The following IQCH variants were observed in gnomAD, a reference collection of about 807,000 sequenced individuals.
IQCH encodes the protein IQ domain-containing protein H.
IQCH carries 98 observed loss-of-function variants against 117.0 expected under a neutral mutation model. The observed-to-expected ratio is 0.84, with a 90% confidence interval of 0.71 to 0.99. The LOEUF (loss-of-function observed/expected upper bound fraction) is 0.99. IQCH is among the 50% of genes least tolerant of loss of function. The probability of loss-of-function intolerance (pLI) is 0.00; values close to 1 mark genes in which losing one functional copy is unlikely to be tolerated. For missense variants in IQCH, 1,102 were observed against 1,243.8 expected (o/e 0.89, Z 1.72); for synonymous variants, 412 against 448.2 (o/e 0.92, Z 1.02).
At chr15:67,298,791 G>A (rs901462354) in intron 4 of IQCH, among the ~76,000 whole-genome samples, 1 of 152,020 alleles carries the variant, frequency 6.6e-6, no homozygotes, top group African/African-American at 2.4e-5. Flanking sequence ...ACATGAACCC[G>A]GGAGGCAGAG....
chr15:67,373,356 T>G lies in IQCH; in HGVS notation c.1306-11T>G. On this transcript the variant is annotated splice_polypyrimidine_tract_variant and intron_variant, in intron 9 of 20. Coordinates refer to ENST00000335894, the MANE Select transcript of IQCH (RefSeq NM_001031715.3). The stretch of plus-strand genomic sequence containing the variant: ...TTCCTGTCACTGATCAATGCTCTTC[T>G]TGATTTTTAGCATCTGGCAGCCAAC... The G allele has an allele frequency of 6.2e-7, 1 of 1,603,642 alleles. No homozygotes were observed. The highest frequency in any genetic ancestry group is 8.5e-7 in the Non-Finnish European group (1 of 1,170,830).
At chr15:67,371,850 G>T (rs1372156329) in intron 8 of IQCH, among the ~76,000 whole-genome samples, 1 of 152,126 alleles carries the variant, frequency 6.6e-6, no homozygotes, top group African/African-American at 2.4e-5. Flanking sequence ...TTTTATGACT[G>T]GTTTCCTTGA....
chr15:67,463,447 T>G lies in IQCH; in HGVS notation c.2506-1680T>G, dbSNP rs2082849102. On this transcript the variant is annotated intron_variant, in intron 16 of 20. Transcript: ENST00000335894. The surrounding 1 kb of genome is among the most constrained non-coding windows in gnomAD (Gnocchi z 4.0). ...GATTGGCTGGGCCAGAATCAGGGAA[T>G]GGGAAGAAGGTAGACTTGGAGCCAG... Among the ~76,000 whole-genome samples the G allele has an allele frequency of 6.6e-6, 1 of 152,210 alleles. No individual in the cohort carries two copies. Among genetic ancestry groups the G allele is most frequent in the African/African-American group, 2.4e-5 (1 of 41,442 alleles).
chr15:67,453,632 C>T lies in IQCH; in HGVS notation c.2506-11495C>T, dbSNP rs900665000. Among the ~76,000 whole-genome samples, 4 of 152,186 alleles carry T rather than the reference C, an allele frequency of 2.6e-5. No homozygotes were observed. Among genetic ancestry groups the T allele is most frequent in the African/African-American group, 7.2e-5 (3 of 41,448 alleles). The stretch of plus-strand genomic sequence containing the variant: ...CGGCCATGTAAGGTGTCAGTCCGCC[C>T]CTACTGGGGGGTGCCTCCCAGTTAG... On this transcript the variant is annotated intron_variant, in intron 16 of 20. Coordinates refer to ENST00000335894, the MANE Select transcript of IQCH (RefSeq NM_001031715.3). This position sits in a 1 kb window ranked among gnomAD's most constrained non-coding sequence, Gnocchi z 5.8.
Position 67,424,147 on chromosome 15 carries a change from C to T in IQCH, c.2505+2570C>T, listed in dbSNP as rs1392403691. 6.6e-6 allele frequency among the ~76,000 whole-genome samples: 1 copy of T among 152,120 alleles called. No homozygotes were observed. Among genetic ancestry groups the T allele is most frequent in the Non-Finnish European group, 1.5e-5 (1 of 68,036 alleles). ...GCCAGTCTTGTCTCACCCTAACTTGCCCTCTGTTTTGTTCTGGTCCATCCA... is the reference window on the plus strand; with the variant it reads ...GCCAGTCTTGTCTCACCCTAACTTGTCCTCTGTTTTGTTCTGGTCCATCCA... On this transcript the variant is annotated intron_variant, in intron 16 of 20. Transcript: ENST00000335894. This position sits in a 1 kb window ranked among gnomAD's most constrained non-coding sequence, Gnocchi z 4.9.
rs760149326 is a variant in IQCH, at chr15:67,401,516, G to A, written c.2097+1211G>A. Among the ~76,000 whole-genome samples, 67 of 151,430 alleles carry A rather than the reference G, an allele frequency of 4.4e-4. No individual in the cohort carries two copies. Among genetic ancestry groups the A allele is most frequent in the Non-Finnish European group, 8.0e-4 (54 of 67,888 alleles). On this transcript the variant is annotated intron_variant, in intron 14 of 20. Coordinates refer to ENST00000335894, the MANE Select transcript of IQCH (RefSeq NM_001031715.3). The surrounding 1 kb of genome is among the most constrained non-coding windows in gnomAD (Gnocchi z 4.7). ...GATTTGCGTCTGCTTTGAGCATCCC[G>A]CTACGGAAGTATATGAATCAAGACA...
chr15:67,490,161 C>A lies in IQCH; in HGVS notation c.2861+97C>A. The stretch of plus-strand genomic sequence containing the variant: ...CTTCTCATGCATTTTAATCAGCATG[C>A]TGATTTATTAGAAGTCTATCTTTAT... On this transcript the variant is annotated intron_variant, in intron 19 of 20. Transcript: ENST00000335894. The surrounding 1 kb of genome is among the most constrained non-coding windows in gnomAD (Gnocchi z 4.9). 1 of 824,560 alleles carries A rather than the reference C, an allele frequency of 1.2e-6. No individual in the cohort carries two copies. The highest frequency in any genetic ancestry group is 2.2e-5 in the Admixed American group (1 of 45,998). 51.1% of individuals were successfully genotyped at this position (824,560 alleles called of 1,614,324 possible).
intron 4 of IQCH, among the ~76,000 whole-genome samples, chr15:67,313,639 T>C (rs1034729701): frequency 5.3e-5 from 8 of 152,182 alleles, no homozygotes; most frequent in Non-Finnish European, 1.2e-4. Context: ...CTTAGAGCTT[T>C]GCCTAATCAA....
Position 67,458,269 on chromosome 15 carries a change from G to A in IQCH, c.2506-6858G>A, listed in dbSNP as rs1394919751. Reference sequence around the variant, plus strand: ...TTCTGCCCCAGTGGGAAATGGTAATGCTATTCTTCCATTTTCTTCAGGGTG... The same window carrying A: ...TTCTGCCCCAGTGGGAAATGGTAATACTATTCTTCCATTTTCTTCAGGGTG... On this transcript the variant is annotated intron_variant, in intron 16 of 20. Coordinates refer to ENST00000335894, the MANE Select transcript of IQCH (RefSeq NM_001031715.3). The surrounding 1 kb of genome is among the most constrained non-coding windows in gnomAD (Gnocchi z 4.1). Among the ~76,000 whole-genome samples the A allele has an allele frequency of 3.3e-5, 5 of 152,234 alleles. No individual in the cohort carries two copies. The highest frequency in any genetic ancestry group is 7.3e-5 in the Non-Finnish European group (5 of 68,044).
chr15:67,451,771 G>A (rs2082534171), intron 16 of IQCH, among the ~76,000 whole-genome samples: 2 of 152,114 alleles, frequency 1.3e-5, no homozygotes, highest in South Asian at 4.2e-4. Flanking sequence ...TCAATTCCTG[G>A]GTGTCCTTGT....
rs538240661 is a variant in IQCH at position 67,279,445 on chromosome 15, C to G, written c.320C>G (p.Ser107Cys). The change falls in exon 4 of 21, where the codon TCT (serine) becomes TGT (cysteine). Residue 107 changes from serine (S) to cysteine (C), a missense_variant. By Grantham distance (112) the Ser-to-Cys change is moderately radical. This residue lies in a region of IQCH where 452 missense variants were observed against 449.6 expected (regional missense o/e 1.01). Coordinates refer to ENST00000335894, the MANE Select transcript of IQCH (RefSeq NM_001031715.3). ...AAATCATTTATTTTCCCTCAGGAAT[C>G]TGAGGGTACATTTTGGCAACCCCAA... ...DQKSFIFPQE[S>C]EGTFWQPQRQ... 7.4e-6 allele frequency: 12 copies of G among 1,610,816 alleles called. No individual in the cohort carries two copies. The Admixed American group carries it at 1.8e-4, about 25-fold the overall frequency.
At position 67,381,979 on chromosome 15, in the gene IQCH, CA is replaced by C. The variant is rs35152038; in HGVS notation, c.1373-2944del. ...CCTGGGCAACAGAGTGATACCCTGT[CA>C]AAAAAAAAAAAAGAATTAAAAGATT... On this transcript the variant is annotated intron_variant, in intron 10 of 20. Transcript: ENST00000335894. This position sits in a 1 kb window ranked among gnomAD's most constrained non-coding sequence, Gnocchi z 5.1. Among the ~76,000 whole-genome samples, 42,920 of 142,300 alleles carry C rather than the reference CA, an allele frequency of 0.3. 6,214 individuals carry two copies. The highest frequency in any genetic ancestry group is 0.39 in the African/African-American group (14,830 of 38,310). The allele number at this position is 142,300 out of a possible 152,430, so 93.4% of individuals were successfully genotyped here.
At chr15:67,272,630 T>TA (rs1251859695) in intron 3 of IQCH, among the ~76,000 whole-genome samples, 4 of 152,232 alleles carry the variant, frequency 2.6e-5, no homozygotes, top group Non-Finnish European at 5.9e-5. Flanking sequence ...CATAGACACT[T>TA]ACACTTGTTC....
At chr15:67,320,794 C>T (rs1968080715) in intron 4 of IQCH, among the ~76,000 whole-genome samples, 1 of 152,162 alleles carries the variant, frequency 6.6e-6, no homozygotes, top group South Asian at 2.1e-4. Context: ...CCAAAGAATG[C>T]TGGTTCTTTG....
rs546974573 is a variant in IQCH, at chr15:67,370,544, C to T, written c.754-1567C>T. On this transcript the variant is annotated intron_variant, in intron 8 of 20. Transcript: ENST00000335894. This position sits in a 1 kb window ranked among gnomAD's most constrained non-coding sequence, Gnocchi z 5.6. ...ACTTGTCTTCTACCAGGAGTGGCAG[C>T]CTCTCCTGCCAGCACTGGTGGCTGC... is the stretch of plus-strand genomic sequence containing the variant. 6.6e-6 allele frequency among the ~76,000 whole-genome samples: 1 copy of T among 152,180 alleles called. No homozygotes were observed. The highest frequency in any genetic ancestry group is 1.5e-5 in the Non-Finnish European group (1 of 68,026).
chr15:67,300,333 C>G (rs1403527104), intron 4 of IQCH, among the ~76,000 whole-genome samples: 1 of 152,042 alleles, frequency 6.6e-6, no homozygotes, highest in African/African-American at 2.4e-5. Context: ...TTACAAGATA[C>G]TTACCATACA....
At chr15:67,326,615 C>T (rs1968423424) in intron 4 of IQCH, among the ~76,000 whole-genome samples, 2 of 152,130 alleles carry the variant, frequency 1.3e-5, no homozygotes, top group South Asian at 4.1e-4. Context: ...TCTCCACATC[C>T]TCTCCAGCCC....
intron 6 of IQCH, among the ~76,000 whole-genome samples, chr15:67,345,834 T>C (rs970891072): frequency 2.0e-5 from 3 of 152,206 alleles, no homozygotes; most frequent in African/African-American, 7.2e-5. Context: ...TTAATAATAA[T>C]GTATCAATGA....
chr15:67,374,926 T>C lies in IQCH; in HGVS notation c.1372+1493T>C, dbSNP rs140169685. 6.3e-4 allele frequency among the ~76,000 whole-genome samples: 96 copies of C among 152,328 alleles called. 1 individual carries two copies. The highest frequency in any genetic ancestry group is 4.3e-3 in the Admixed American group (66 of 15,298). On this transcript the variant is annotated intron_variant, in intron 10 of 20. Transcript: ENST00000335894. ...TTATATGGGAAATTTTGTTTTGCTT[T>C]CTCTATACAGGGCCCCCCACTTTGC...
Sources: gnomAD v4.1 joint callset for allele counts (sites outside exome capture counted in the v4.1 genomes callset) on GRCh38, gnomAD v4.1.1 for gene constraint, gnomAD v4.1.1 regional missense constraint, Gnocchi (gnomAD v3.1) non-coding constraint, MANE v1.5 for transcripts, NCBI Gene and HGNC (gene_info 2026-07-23, HGNC 2026-07-21) for gene names.